The following CCDC60 variants were observed in gnomAD, a reference collection of about 807,000 sequenced individuals.
CCDC60 encodes coiled-coil domain containing 60.
CCDC60 carries 54 observed loss-of-function variants against 63.5 expected under a neutral mutation model. The observed-to-expected ratio is 0.85, with a 90% CI of 0.68 to 1.07. The LOEUF is 1.07. Among genes scored for constraint, CCDC60 ranks in the 50% least tolerant of loss-of-function variants. The probability of loss-of-function intolerance (pLI) is 0.00; values close to 1 mark genes in which losing one functional copy is unlikely to be tolerated. For missense variants in CCDC60, 651 were observed against 684.3 expected (o/e 0.95, Z 0.54); for synonymous variants, 206 against 238.8 (o/e 0.86, Z 1.27).
At chr12:119,363,174 T>A (rs886486069) in intron 1 of CCDC60, among the ~76,000 whole-genome samples, 1 of 152,212 alleles carries the variant, frequency 6.6e-6, no homozygotes, top group African/African-American at 2.4e-5. Context: ...AGAGCTCCAG[T>A]TGCTCCATAT....
At chr12:119,359,260 A>T (rs1006907175) in intron 1 of CCDC60, among the ~76,000 whole-genome samples, 11 of 152,188 alleles carry the variant, frequency 7.2e-5, no homozygotes, top group African/African-American at 2.7e-4. Context: ...ATGAAATGCC[A>T]GTTCAAGTCT....
intron 1 of CCDC60, among the ~76,000 whole-genome samples, chr12:119,378,529 G>A (rs1344272300): frequency 6.6e-6 from 1 of 152,140 alleles, no homozygotes; most frequent in Non-Finnish European, 1.5e-5. Flanking sequence ...AACATCATGA[G>A]GGCCAGTGTA....
chr12:119,449,924 C>T (rs1950601257), intron 2 of CCDC60, among the ~76,000 whole-genome samples: 1 of 152,174 alleles, frequency 6.6e-6, no homozygotes, highest in Non-Finnish European at 1.5e-5. Context: ...AATCCCACTA[C>T]TGGGTATACA....
At chr12:119,415,566 A>C (rs1262366490) in intron 1 of CCDC60, among the ~76,000 whole-genome samples, 1 of 152,216 alleles carries the variant, frequency 6.6e-6, no homozygotes, top group Non-Finnish European at 1.5e-5. Flanking sequence ...CTATGTGGAC[A>C]ATGGACAAGG....
intron 13 of CCDC60, among the ~76,000 whole-genome samples, chr12:119,535,179 T>C (rs905026737): frequency 6.6e-6 from 1 of 152,230 alleles, no homozygotes; most frequent in Non-Finnish European, 1.5e-5. Flanking sequence ...CCATTTTTTC[T>C]AGATCTTCTA....
intron 1 of CCDC60, among the ~76,000 whole-genome samples, chr12:119,385,608 A>G (rs1310046622): frequency 6.6e-6 from 1 of 152,212 alleles, no homozygotes; most frequent in Non-Finnish European, 1.5e-5. Context: ...CTCTTTTTTA[A>G]AAAATAAATT....
chr12:119,335,315 A>T, intron 1 of CCDC60, 49 bp downstream of exon 1: 1 of 1,385,906 alleles, frequency 7.2e-7, no homozygotes, highest in South Asian at 1.3e-5. Flanking sequence ...GAACAAGTGA[A>T]ATAGGAATTA....
chr12:119,440,996 C>T (rs1950433373), intron 2 of CCDC60, among the ~76,000 whole-genome samples: 1 of 152,202 alleles, frequency 6.6e-6, no homozygotes, highest in African/African-American at 2.4e-5. Context: ...ACATCATTCA[C>T]GTTCCCTGAG....
At position 119,346,772 on chromosome 12, in the gene CCDC60, T is replaced by TTC. The variant is rs748031979; in HGVS notation, c.90+11510_90+11511dup. Among the ~76,000 whole-genome samples, 5 of 144,036 alleles carry TTC rather than the reference T, an allele frequency of 3.5e-5. No individual in the cohort carries two copies. The South Asian group carries it at 6.8e-4, about 19-fold the overall frequency. The allele number at this position is 144,036 out of a possible 152,430, so 94.5% of individuals were successfully genotyped here. A position where few individuals can be genotyped will look rare whatever the true frequency, so the allele number is the denominator to read the frequency against. ...ACCTGCATGTGGCTTAGACTCATCT[T>TTC]TCTCTTTCTTTCTTTCTTTCTTTCT... On this transcript the variant is annotated intron_variant, in intron 1 of 13. Transcript: ENST00000327554.
At chr12:119,518,133 G>T (rs990300652) in intron 8 of CCDC60, among the ~76,000 whole-genome samples, 10 of 152,150 alleles carry the variant, frequency 6.6e-5, no homozygotes, top group Admixed American at 2.0e-4. Context: ...CATTGGGGCT[G>T]CTCTGGAAGG....
intron 13 of CCDC60, among the ~76,000 whole-genome samples, chr12:119,538,080 G>A (rs1050834371): frequency 6.6e-6 from 1 of 152,228 alleles, no homozygotes; most frequent in Non-Finnish European, 1.5e-5. Flanking sequence ...CACCCAGTTC[G>A]AGCTTCCACG....
intron 1 of CCDC60, among the ~76,000 whole-genome samples, chr12:119,419,869 CTTTTTTTTTT>C (rs1206831493): frequency 9.4e-6 from 1 of 106,504 alleles, no homozygotes; most frequent in Admixed American, 1.2e-4. Flanking sequence ...TTAAATAATT[CTTTTTTTTTT>C]TTTTTTTTTT....
chr12:119,363,609 G>A (rs1355537894), intron 1 of CCDC60, among the ~76,000 whole-genome samples: 1 of 152,202 alleles, frequency 6.6e-6, no homozygotes, highest in East Asian at 1.9e-4. Context: ...GCTTTAAACA[G>A]TCAGTATTCT....
intron 1 of CCDC60, among the ~76,000 whole-genome samples, chr12:119,426,447 T>C (rs1330764978): frequency 1.3e-5 from 2 of 152,078 alleles, no homozygotes; most frequent in Non-Finnish European, 2.9e-5. Flanking sequence ...CCTTGACCTC[T>C]TGGGCTCAAG....
rs116280510 is a variant in CCDC60 at position 119,524,673 on chromosome 12, T to C, written c.1229+855T>C. Among the ~76,000 whole-genome samples, 61 of 148,576 alleles carry C rather than the reference T, an allele frequency of 4.1e-4. 1 individual carries two copies. The highest frequency in any genetic ancestry group is 1.5e-3 in the African/African-American group (61 of 40,138). ...TGCCCCACCTGGCCCAGGACAGCCC[T>C]CAGAAAGGTTTCCTTGGAGGAAACA... On this transcript the variant is annotated intron_variant, in intron 11 of 13. Coordinates refer to ENST00000327554, the MANE Select transcript of CCDC60 (RefSeq NM_178499.5).
At chr12:119,484,672 C>G (rs1031390940) in intron 4 of CCDC60, among the ~76,000 whole-genome samples, 2 of 151,884 alleles carry the variant, frequency 1.3e-5, no homozygotes, top group African/African-American at 4.8e-5. Context: ...AAAATCACGC[C>G]ACCGCACTCC....
chr12:119,443,270 A>T (rs1950480816), intron 2 of CCDC60, among the ~76,000 whole-genome samples: 1 of 152,204 alleles, frequency 6.6e-6, no homozygotes. Context: ...TTCAATACAG[A>T]TGGAAACTTC....
chr12:119,385,880 C>A (rs1956054723), intron 1 of CCDC60, among the ~76,000 whole-genome samples: 1 of 152,216 alleles, frequency 6.6e-6, no homozygotes, highest in Admixed American at 6.5e-5. Flanking sequence ...ACTGCACCAT[C>A]CCTTGTAGGG....
chr12:119,428,687 C>T lies in CCDC60; in HGVS notation c.95C>T (p.Pro32Leu). ...FYASENLRQV[P>L]DKPMKSIKYM... is the part of the protein sequence containing the mutation. ...AACCCCTTGTCTTCTCATCAGGTCC[C>T]AGACAAGCCAATGAAGAGCATCAAG... is the stretch of plus-strand genomic sequence containing the variant. The change falls in exon 2 of 14, where the codon CCA becomes CTA. Residue 32 changes from proline to leucine, a missense_variant. Transcript: ENST00000327554. The T allele has an allele frequency of 2.5e-6, 4 of 1,597,162 alleles. No homozygotes were observed. Among genetic ancestry groups the T allele is most frequent in the Non-Finnish European group, 3.4e-6 (4 of 1,168,402 alleles).
Sources: gnomAD v4.1 joint callset for allele counts (sites outside exome capture counted in the v4.1 genomes callset) on GRCh38, gnomAD v4.1.1 for gene constraint, MANE v1.5 for transcripts, NCBI Gene and HGNC (gene_info 2026-07-23, HGNC 2026-07-21) for gene names.